Variants in SHANK2 observed in about 807,000 individuals in gnomAD.
The protein encoded by SHANK2 is SH3 and multiple ankyrin repeat domains protein 2.
A neutral mutation model predicts 133.7 loss-of-function variants in SHANK2; 43 were observed. The ratio of observed to expected loss-of-function variants is 0.32; its 90% CI spans 0.25 to 0.41. The LOEUF is 0.41. Among genes scored for constraint, SHANK2 ranks in the 10% least tolerant of loss-of-function variants. The pLI is 1.00. For missense variants in SHANK2, 1,994 were observed against 2,235.8 expected (o/e 0.89, Z 2.18); for synonymous variants, 1,017 against 952.8 (o/e 1.07, Z -1.24).
chr11:71,105,976 C>T (rs1192589680), intron 6 of SHANK2, among the ~76,000 whole-genome samples: 1 of 152,182 alleles, frequency 6.6e-6, no homozygotes, highest in Non-Finnish European at 1.5e-5. Context: ...CGACTCCAAG[C>T]GTGAACCTTC....
chr11:70,713,551 G>A (rs921909221), intron 14 of SHANK2, among the ~76,000 whole-genome samples: 11 of 152,348 alleles, frequency 7.2e-5, no homozygotes, highest in African/African-American at 2.4e-4. Context: ...TGTCCAGCAA[G>A]GCAGTGGCTC....
At chr11:70,597,577 A>C (rs1554989851) in intron 17 of SHANK2, among the ~76,000 whole-genome samples, 1 of 152,184 alleles carries the variant, frequency 6.6e-6, no homozygotes, top group Non-Finnish European at 1.5e-5. Context: ...ATATCAGAAA[A>C]TACCAGAGTG....
chr11:70,641,340 G>A (rs886444916), intron 17 of SHANK2, among the ~76,000 whole-genome samples: 16 of 152,220 alleles, frequency 1.1e-4, no homozygotes, highest in East Asian at 9.7e-4. Flanking sequence ...TGATCTGCCC[G>A]CCTTGGCCTC....
At chr11:71,094,507 G>A (rs1555094898) in intron 7 of SHANK2, 30 bp downstream of exon 7, 3 of 1,541,262 alleles carry the variant, frequency 1.9e-6, no homozygotes, top group Non-Finnish European at 8.8e-7. Flanking sequence ...AGCACGGGGT[G>A]GCACCCAAGT....
At chr11:70,816,668 G>A (rs1307864909) in intron 12 of SHANK2, among the ~76,000 whole-genome samples, 1 of 152,212 alleles carries the variant, frequency 6.6e-6, no homozygotes, top group Non-Finnish European at 1.5e-5. Flanking sequence ...AAGGAGCAGA[G>A]GGGCTCAGCC....
At chr11:70,898,435 A>G (rs1949973517) in intron 10 of SHANK2, among the ~76,000 whole-genome samples, 1 of 152,098 alleles carries the variant, frequency 6.6e-6, no homozygotes, top group Non-Finnish European at 1.5e-5. Context: ...AGGCTGGAAG[A>G]GTTTTGAGGT....
At chr11:71,130,622 T>C (rs1952283140) in intron 3 of SHANK2, among the ~76,000 whole-genome samples, 1 of 152,176 alleles carries the variant, frequency 6.6e-6, no homozygotes. Flanking sequence ...AACATGAGGC[T>C]TGGATTACAC....
chr11:71,171,964 T>C (rs1000330851), intron 2 of SHANK2, among the ~76,000 whole-genome samples: 3 of 152,096 alleles, frequency 2.0e-5, no homozygotes, highest in African/African-American at 7.2e-5. Flanking sequence ...CCAGCTCTGG[T>C]CCTGAGACCC....
chr11:70,895,216 G>T (rs1022275246), intron 11 of SHANK2, among the ~76,000 whole-genome samples: 1 of 152,202 alleles, frequency 6.6e-6, no homozygotes, highest in South Asian at 2.1e-4. Flanking sequence ...TCTCCAAGGC[G>T]GGGTAGGTAC....
At chr11:70,766,995 T>C (rs1947136925) in intron 14 of SHANK2, among the ~76,000 whole-genome samples, 1 of 152,206 alleles carries the variant, frequency 6.6e-6, no homozygotes, top group African/African-American at 2.4e-5. Context: ...CTCTGCTAGC[T>C]CTGGTGTGGC....
intron 11 of SHANK2, among the ~76,000 whole-genome samples, chr11:70,880,218 C>G (rs1949637995): frequency 6.6e-6 from 1 of 152,216 alleles, no homozygotes. Flanking sequence ...TGGGTATAAA[C>G]AGCACATGCA....
chr11:71,233,631 T>C (rs1954781189), intron 1 of SHANK2, among the ~76,000 whole-genome samples: 1 of 152,230 alleles, frequency 6.6e-6, no homozygotes. Flanking sequence ...GTTATGTAAA[T>C]TATATCTCAA....
intron 17 of SHANK2, among the ~76,000 whole-genome samples, chr11:70,549,326 T>C (rs562094395): frequency 1.2e-3 from 184 of 152,296 alleles, no homozygotes; most frequent in African/African-American, 4.3e-3. Flanking sequence ...GTGCGGGTCA[T>C]TTCAAGTTTC....
chr11:70,658,205 C>T (rs1335337779), intron 17 of SHANK2, among the ~76,000 whole-genome samples: 1 of 119,840 alleles, frequency 8.3e-6, no homozygotes, highest in East Asian at 2.5e-4. Context: ...GCCACGCCCC[C>T]CCAACACACA....
intron 14 of SHANK2, among the ~76,000 whole-genome samples, chr11:70,726,080 T>C (rs1439605808): frequency 6.6e-6 from 1 of 152,192 alleles, no homozygotes; most frequent in African/African-American, 2.4e-5. Flanking sequence ...TCAGCTGAGT[T>C]TCTCAGAGCT....
intron 1 of SHANK2, chr11:71,240,974 T>G (rs1267468611): frequency 6.6e-6 from 1 of 152,214 alleles, no homozygotes; most frequent in Non-Finnish European, 1.5e-5. Context: ...TCCCACGCAT[T>G]AGACTGGTAA....
chr11:70,833,556 T>C (rs1555059167), intron 11 of SHANK2, among the ~76,000 whole-genome samples: 2 of 152,172 alleles, frequency 1.3e-5, no homozygotes, highest in African/African-American at 4.8e-5. Flanking sequence ...TCCCACAAGG[T>C]AACTGTCCAT....
chr11:70,530,945 C>T (rs1299721307), intron 17 of SHANK2, among the ~76,000 whole-genome samples: 2 of 151,848 alleles, frequency 1.3e-5, no homozygotes, highest in Admixed American at 1.3e-4. Context: ...GCGGGTGGAT[C>T]GTTTGAGGCC....
chr11:71,232,355 G>A (rs567880116), intron 1 of SHANK2, among the ~76,000 whole-genome samples: 54 of 152,272 alleles, frequency 3.5e-4, no homozygotes, highest in African/African-American at 1.3e-3. Context: ...GACCCAGGAC[G>A]AGACTATGGG....
Sources: gnomAD v4.1 joint callset for allele counts (sites outside exome capture counted in the v4.1 genomes callset) on GRCh38, gnomAD v4.1.1 for gene constraint, MANE v1.5 for transcripts, NCBI Gene and HGNC (gene_info 2026-07-23, HGNC 2026-07-21) for gene names.